SAMD3: variants seen among roughly 807,000 people sequenced by gnomAD.
SAMD3 encodes the protein sterile alpha motif domain containing 3.
A neutral mutation model predicts 58.5 loss-of-function variants in SAMD3; 63 were observed. That is an observed-to-expected ratio of 1.08 (90% confidence interval 0.88 to 1.33). The LOEUF (loss-of-function observed/expected upper bound fraction) is 1.33. Ranked by LOEUF, SAMD3 falls within the 40% of genes most tolerant of loss-of-function variation. SAMD3 has a pLI of 0.00. For synonymous variants in SAMD3, 220 were observed against 210.3 expected (o/e 1.05, Z -0.40); for missense variants, 604 against 608.4 (o/e 0.99, Z 0.08).
intron 4 of SAMD3, among the ~76,000 whole-genome samples, chr6:130,211,575 C>T (rs1405376843): frequency 1.3e-5 from 2 of 152,078 alleles, no homozygotes; most frequent in African/African-American, 2.4e-5. Flanking sequence ...TAACCCACCA[C>T]GCCGAGCTGC....
chr6:130,215,470 C>A, intron 2 of SAMD3, 176 bp from the exon 3 acceptor site: 2 of 1,332,888 alleles, frequency 1.5e-6, no homozygotes, highest in Admixed American at 7.1e-5. Flanking sequence ...AACACACACT[C>A]ACTTTAAAAA....
intron 2 of SAMD3, among the ~76,000 whole-genome samples, chr6:130,230,604 T>C (rs1796517641): frequency 6.6e-6 from 1 of 152,104 alleles, no homozygotes; most frequent in East Asian, 1.9e-4. Context: ...GCCAGGCTGG[T>C]CTTGAACTCC....
intron 1 of SAMD3, among the ~76,000 whole-genome samples, chr6:130,347,327 G>GA (rs1352946073): frequency 1.5e-4 from 23 of 152,022 alleles, no homozygotes; most frequent in Admixed American, 6.6e-4. Context: ...TAAAAACCTT[G>GA]AAAAAAAATT....
At chr6:130,290,914 T>C (rs1775340000) in intron 2 of SAMD3, among the ~76,000 whole-genome samples, 2 of 152,230 alleles carry the variant, frequency 1.3e-5, no homozygotes, top group South Asian at 4.1e-4. Flanking sequence ...CCTGCTGTTT[T>C]CCCTTTCCTC....
intron 5 of SAMD3, among the ~76,000 whole-genome samples, chr6:130,192,898 A>T (rs1350350168): frequency 6.6e-6 from 1 of 151,754 alleles, no homozygotes; most frequent in Non-Finnish European, 1.5e-5. Flanking sequence ...AACCTCCCTC[A>T]CTATCCCTCA....
At chr6:130,237,263 CTT>C (rs1332048470) in intron 2 of SAMD3, among the ~76,000 whole-genome samples, 4 of 152,124 alleles carry the variant, frequency 2.6e-5, no homozygotes, top group African/African-American at 7.2e-5. Flanking sequence ...TTAATGGTAA[CTT>C]ATTATTAAAA....
At chr6:130,206,485 G>A (rs567774319) in intron 5 of SAMD3, among the ~76,000 whole-genome samples, 4 of 152,104 alleles carry the variant, frequency 2.6e-5, no homozygotes, top group African/African-American at 4.8e-5. Flanking sequence ...CTTCATGCTC[G>A]GGAACTTACT....
chr6:130,149,176 C>A (rs1788908161), intron 9 of SAMD3, among the ~76,000 whole-genome samples: 1 of 152,208 alleles, frequency 6.6e-6, no homozygotes, highest in Non-Finnish European at 1.5e-5. Context: ...CCCATTATAT[C>A]TCAGTGTATT....
intron 7 of SAMD3, among the ~76,000 whole-genome samples, chr6:130,176,467 A>G (rs943220633): frequency 2.0e-5 from 3 of 152,184 alleles, no homozygotes; most frequent in Non-Finnish European, 4.4e-5. Context: ...GATGAGTACT[A>G]TTGGCATTCA....
rs1159249024 is a variant in SAMD3, at chr6:130,154,719, AT to A, written c.1023+105del. On this transcript the variant is annotated intron_variant, in intron 9 of 11. Coordinates refer to ENST00000439090, the MANE Select transcript of SAMD3 (RefSeq NM_001017373.4). ...TGAAAAAAAAAAAAAAAAAAAAAAA[AT>A]ATATATATATATATATATATATGTA... 4.0e-3 allele frequency: 382 copies of A among 95,240 alleles called. 1 individual carries two copies. Among genetic ancestry groups the A allele is most frequent in the South Asian group, 0.013 (31 of 2,428 alleles). The allele number at this position is 95,240 out of a possible 1,614,324, so 5.9% of individuals were successfully genotyped here.
intron 2 of SAMD3, among the ~76,000 whole-genome samples, chr6:130,259,674 A>G (rs1362907605): frequency 7.2e-5 from 11 of 152,210 alleles, no homozygotes; most frequent in Non-Finnish European, 1.6e-4. Flanking sequence ...TCAGAGGAGC[A>G]CAAAACCTGG....
chr6:130,331,018 G>T (rs775988560), intron 1 of SAMD3, among the ~76,000 whole-genome samples: 54 of 152,162 alleles, frequency 3.5e-4, no homozygotes, highest in Non-Finnish European at 6.8e-4. Context: ...AATATAAGCT[G>T]GTGCAACAGG....
chr6:130,309,926 G>C (rs1776084220), intron 2 of SAMD3, among the ~76,000 whole-genome samples: 1 of 152,182 alleles, frequency 6.6e-6, no homozygotes, highest in Non-Finnish European at 1.5e-5. Flanking sequence ...CATATGAAGA[G>C]AGAGAGAGGG....
At chr6:130,258,141 T>G (rs1273397563) in intron 2 of SAMD3, among the ~76,000 whole-genome samples, 1 of 152,206 alleles carries the variant, frequency 6.6e-6, no homozygotes, top group African/African-American at 2.4e-5. Context: ...AATAAGCTGT[T>G]TTGAACATTC....
Position 130,214,340 on chromosome 6 carries a change from C to G in SAMD3, c.266G>C (p.Arg89Pro). ...AALVMQTEAARDYRDEESSSP... is the reference protein window; with the variant it reads ...AALVMQTEAAPDYRDEESSSP... ...GGCCATTTATGAACATACTCACTCT[C>G]GAGCTGCTTCTGTTTGCATGACCAG... Residue 89 changes from arginine (R) to proline (P), a missense_variant, in exon 4 of 12, where the codon CGA becomes CCA. Coordinates refer to ENST00000439090, the MANE Select transcript of SAMD3 (RefSeq NM_001017373.4). The G allele has an allele frequency of 6.3e-7, 1 of 1,588,600 alleles. No individual in the cohort carries two copies. Among genetic ancestry groups the G allele is most frequent in the East Asian group, 2.3e-5 (1 of 44,252 alleles).
intron 2 of SAMD3, chr6:130,215,550 T>C: frequency 1.5e-6 from 2 of 1,330,348 alleles, no homozygotes. Context: ...CTACTTTTTT[T>C]CCACAGGCAT....
At chr6:130,332,162 G>A (rs1046127900) in intron 1 of SAMD3, among the ~76,000 whole-genome samples, 2 of 152,192 alleles carry the variant, frequency 1.3e-5, no homozygotes, top group Non-Finnish European at 2.9e-5. Flanking sequence ...GCCAGGGCTT[G>A]AGGATTTGAA....
intron 8 of SAMD3, among the ~76,000 whole-genome samples, chr6:130,159,305 T>G (rs2114606900): frequency 6.6e-6 from 1 of 152,316 alleles, no homozygotes; most frequent in Non-Finnish European, 1.5e-5. Flanking sequence ...CTCCTTGCCT[T>G]CTGACATAAT....
At chr6:130,348,484 C>A (rs1456885541) in intron 1 of SAMD3, among the ~76,000 whole-genome samples, 1 of 152,020 alleles carries the variant, frequency 6.6e-6, no homozygotes, top group African/African-American at 2.4e-5. Flanking sequence ...ACAAAGAAGG[C>A]CATTACATAA....
Sources: allele counts gnomAD v4.1 joint callset (sites outside exome capture counted in the v4.1 genomes callset), GRCh38; gene constraint gnomAD v4.1.1; transcripts MANE v1.5; gene names NCBI Gene and HGNC (gene_info 2026-07-23, HGNC 2026-07-21).